THADA: variants seen among roughly 807,000 people sequenced by gnomAD.
THADA encodes the protein tRNA (32-2'-O)-methyltransferase regulator THADA.
A neutral mutation model predicts 219.8 loss-of-function variants in THADA; 213 were observed. That is an observed-to-expected ratio of 0.97 (90% CI 0.87 to 1.09). The LOEUF (loss-of-function observed/expected upper bound fraction) is 1.09. THADA is among the 50% of genes least tolerant of loss of function. The pLI is 0.00. For missense variants in THADA, 2,956 were observed against 2,311.3 expected, an observed-to-expected ratio of 1.28 and a Z score of -5.72; for synonymous variants, 1,018 against 828.9, an observed-to-expected ratio of 1.23 and a Z score of -3.92.
chr2:43,493,444 G>C (rs1188100171), intron 25 of THADA, among the ~76,000 whole-genome samples: 1 of 152,126 alleles, frequency 6.6e-6, no homozygotes, highest in Non-Finnish European at 1.5e-5. Flanking sequence ...GCAGTGAGAT[G>C]AGATTATGCC....
In THADA at chr2:43,523,714, A is replaced by C. The variant is rs1309440217; in HGVS notation, c.3374+4165T>G. On this transcript the variant is annotated intron_variant, in intron 22 of 37. Coordinates refer to ENST00000405975, the MANE Select transcript of THADA (RefSeq NM_022065.5). ...AATGACAAAAACTACTAAATGTCAC[A>C]ATTTAATTTTTTCAGGCCAATAATG... Among the ~76,000 whole-genome samples, 6 of 152,202 alleles carry C rather than the reference A, an allele frequency of 3.9e-5. No homozygotes were observed. In the East Asian group the frequency reaches 1.2e-3, roughly 29 times the overall value.
intron 22 of THADA, among the ~76,000 whole-genome samples, chr2:43,524,439 A>G (rs1176873848): frequency 6.6e-6 from 1 of 152,180 alleles, no homozygotes; most frequent in African/African-American, 2.4e-5. Context: ...CTTCCTTAAC[A>G]CAGCTGTAGT....
At chr2:43,485,032 T>G (rs1175296967) in intron 26 of THADA, among the ~76,000 whole-genome samples, 1 of 152,108 alleles carries the variant, frequency 6.6e-6, no homozygotes, top group South Asian at 2.1e-4. Flanking sequence ...TTTTGTTGCT[T>G]TGAAAGGTCC....
intron 29 of THADA, among the ~76,000 whole-genome samples, chr2:43,390,082 C>A (rs1241515633): frequency 1.3e-5 from 2 of 152,154 alleles, no homozygotes; most frequent in Non-Finnish European, 2.9e-5. Context: ...ATCTCTAAGG[C>A]CCAGGTCCAG....
At chr2:43,254,198 C>T (rs1018633082) in intron 36 of THADA, among the ~76,000 whole-genome samples, 1 of 152,042 alleles carries the variant, frequency 6.6e-6, no homozygotes, top group African/African-American at 2.4e-5. Flanking sequence ...TGGGATTGTA[C>T]TGACACAGGA....
intron 26 of THADA, among the ~76,000 whole-genome samples, chr2:43,458,107 C>A (rs758083369): frequency 6.6e-6 from 1 of 152,078 alleles, no homozygotes; most frequent in African/African-American, 2.4e-5. Flanking sequence ...GCCAAAGAAG[C>A]CTTCATCTCC....
chr2:43,445,608 C>A (rs1681424088), intron 26 of THADA, among the ~76,000 whole-genome samples: 1 of 152,250 alleles, frequency 6.6e-6, no homozygotes, highest in Non-Finnish European at 1.5e-5. Flanking sequence ...CTGATCAGGG[C>A]TCCAACCAGT....
intron 30 of THADA, among the ~76,000 whole-genome samples, chr2:43,335,913 A>G (rs1292382559): frequency 1.3e-5 from 2 of 152,022 alleles, no homozygotes; most frequent in Admixed American, 6.5e-5. Context: ...CCTGGCTAAC[A>G]TGGTGAAATC....
At chr2:43,582,373 C>G (rs550007838) in intron 7 of THADA, among the ~76,000 whole-genome samples, 1 of 151,386 alleles carries the variant, frequency 6.6e-6, no homozygotes, top group African/African-American at 2.4e-5. Flanking sequence ...GGCACATGCC[C>G]GTAATCCCAG....
chr2:43,339,726 A>C (rs1573149789), intron 30 of THADA, among the ~76,000 whole-genome samples: 1 of 152,200 alleles, frequency 6.6e-6, no homozygotes, highest in African/African-American at 2.4e-5. Context: ...GTTTAAGCCT[A>C]ATATAATACT....
At chr2:43,308,667 A>C (rs1185183087) in intron 31 of THADA, among the ~76,000 whole-genome samples, 1 of 150,104 alleles carries the variant, frequency 6.7e-6, no homozygotes. Context: ...TCGCCATTGC[A>C]CTCCAGCATG....
chr2:43,307,451 G>C (rs553037772), intron 31 of THADA, among the ~76,000 whole-genome samples: 11 of 152,232 alleles, frequency 7.2e-5, no homozygotes, highest in Admixed American at 6.5e-5. Context: ...TGAAAGGCTA[G>C]AAAAAGAACT....
At chr2:43,560,197 T>A (rs1250634525) in intron 16 of THADA, 37 bp downstream of exon 16, 12 of 1,570,976 alleles carry the variant, frequency 7.6e-6, no homozygotes, top group African/African-American at 1.4e-5. Flanking sequence ...AAAGTTTCCA[T>A]GCATATACCA....
chr2:43,596,001 G>T lies in THADA; in HGVS notation c.-95C>A, dbSNP rs947113494. 1 of 152,358 alleles carries T rather than the reference G, an allele frequency of 6.6e-6. No homozygotes were observed. The highest frequency in any genetic ancestry group is 2.4e-5 in the African/African-American group (1 of 41,442). The allele number at this position is 152,358 out of a possible 1,614,324, so 9.4% of individuals were successfully genotyped here. A position where few individuals can be genotyped will look rare whatever the true frequency, so the allele number is the denominator to read the frequency against. The stretch of plus-strand genomic sequence containing the variant: ...GTCCCGGAAGCAGGTCTCCTTCTAC[G>T]GCGTCTCCGAGGCTCGCAGCGCGGT... On this transcript the variant is annotated 5_prime_UTR_variant, in exon 1 of 38. Coordinates refer to ENST00000405975, the MANE Select transcript of THADA (RefSeq NM_022065.5).
At chr2:43,561,475 G>C (rs563843765) in intron 15 of THADA, among the ~76,000 whole-genome samples, 4 of 152,214 alleles carry the variant, frequency 2.6e-5, no homozygotes, top group African/African-American at 9.6e-5. Flanking sequence ...GAAAACTCAA[G>C]AACTGTGGAA....
chr2:43,447,801 T>A (rs1486987649), intron 26 of THADA, among the ~76,000 whole-genome samples: 2 of 152,184 alleles, frequency 1.3e-5, no homozygotes, highest in Non-Finnish European at 2.9e-5. Flanking sequence ...TTTCAAAACA[T>A]TTTATGTAAT....
chr2:43,575,833 G>T (rs921170497), intron 10 of THADA, among the ~76,000 whole-genome samples: 1 of 152,130 alleles, frequency 6.6e-6, no homozygotes, highest in Non-Finnish European at 1.5e-5. Context: ...ACCATGCCCG[G>T]CCTACACATG....
chr2:43,360,083 T>C (rs891575446), intron 29 of THADA, among the ~76,000 whole-genome samples: 2 of 152,164 alleles, frequency 1.3e-5, no homozygotes, highest in Non-Finnish European at 2.9e-5. Context: ...TTCATATTAT[T>C]TCTACTCATC....
intron 26 of THADA, among the ~76,000 whole-genome samples, chr2:43,452,337 G>C (rs898874068): frequency 2.6e-5 from 4 of 152,008 alleles, no homozygotes; most frequent in Admixed American, 2.0e-4. Flanking sequence ...AATAAAACTA[G>C]AAGTATTTTC....
Sources: gnomAD v4.1 joint callset for allele counts (sites outside exome capture counted in the v4.1 genomes callset) on GRCh38, gnomAD v4.1.1 for gene constraint, MANE v1.5 for transcripts, NCBI Gene and HGNC (gene_info 2026-07-23, HGNC 2026-07-21) for gene names.